The following USP34 variants were observed in gnomAD, a reference collection of about 807,000 sequenced individuals.
The protein encoded by USP34 is ubiquitin specific peptidase 34.
Under a neutral mutation model 460.3 loss-of-function variants are expected in USP34, and 70 were observed. The ratio of observed to expected loss-of-function variants is 0.15; its 90% CI spans 0.13 to 0.19. USP34 has a LOEUF of 0.19. USP34 is among the 10% of genes least tolerant of loss of function. USP34 has a pLI of 1.00. For missense variants in USP34, 3,985 were observed against 4,236.2 expected (o/e 0.94, Z 1.65); for synonymous variants, 1,647 against 1,405.3 (o/e 1.17, Z -3.85).
chr2:61,273,563 C>T (rs1365809071), intron 41 of USP34, among the ~76,000 whole-genome samples: 1 of 152,024 alleles, frequency 6.6e-6, no homozygotes, highest in Non-Finnish European at 1.5e-5. Flanking sequence ...ATCAAAGATA[C>T]TAAAATTAGC....
At position 61,188,551 on chromosome 2, in the gene USP34, G is replaced by T; in HGVS notation, c.10192C>A (p.Pro3398Thr). Residue 3398 changes from proline (P) to threonine (T), a missense_variant, in exon 80 of 80, where the codon CCA (proline) becomes ACA (threonine). Around this residue, in one of 14 missense-constraint regions of USP34, gnomAD observed 506 missense variants for 439.0 expected, o/e 1.15. Transcript: ENST00000398571. ...GAAGGAAGATCTTGCTCAGTTCCTG[G>T]ATCAATAATTGAGGAGTCTCTGGTC... ...NETRDSSIID[P>T]GTEQDLPSPE... 6.2e-7 allele frequency: 1 copy of T among 1,614,178 alleles called. No individual in the cohort carries two copies. Among genetic ancestry groups the T allele is most frequent in the Non-Finnish European group, 8.5e-7 (1 of 1,180,026 alleles).
At chr2:61,464,252 G>C (rs190741875) in intron 1 of USP34, among the ~76,000 whole-genome samples, 1 of 152,280 alleles carries the variant, frequency 6.6e-6, no homozygotes, top group Middle Eastern at 3.4e-3. Flanking sequence ...CAAGGAGGTG[G>C]AAGTTGCAGT....
chr2:61,206,709 C>G (rs754844568), intron 71 of USP34, 51 bp downstream of exon 71: 30 of 1,588,314 alleles, frequency 1.9e-5, no homozygotes, highest in Non-Finnish European at 2.3e-5. Context: ...AAAACCTTCT[C>G]TCTCTTTACT....
Position 61,228,721 on chromosome 2 carries a change from T to TAAAC in USP34, c.7369-6_7369-3dup, listed in dbSNP as rs760735454. The TAAAC allele has an allele frequency of 1.3e-5, 21 of 1,605,818 alleles. No homozygotes were observed. In the African/African-American group the frequency reaches 2.5e-4, roughly 19 times the overall value. ...TTGCAATGAAAGCAAAAATTGGCTC[T>TAAAC]AAACAAACAAACAAACAAAATTTAA... On this transcript the variant is annotated splice_region_variant and splice_polypyrimidine_tract_variant and intron_variant, in intron 60 of 79. Coordinates refer to ENST00000398571, the MANE Select transcript of USP34 (RefSeq NM_014709.4).
Position 61,188,477 on chromosome 2 carries a change from C to G in USP34, c.10266G>C (p.Ser3422=), listed in dbSNP as rs746923658. ...TGATATTTGACATGTCTTCTGAAAACGAAGATGGAACTTCCATTCGGTATT... is the reference window on the plus strand; with the variant it reads ...TGATATTTGACATGTCTTCTGAAAAGGAAGATGGAACTTCCATTCGGTATT... ...VKEYRMEVPS[S]FSEDMSNIRS... Residue 3422 remains serine (S), a synonymous_variant, in exon 80 of 80, where the codon TCG becomes TCC. Transcript: ENST00000398571. 4.3e-6 allele frequency: 7 copies of G among 1,614,188 alleles called. No individual in the cohort carries two copies. Among genetic ancestry groups the G allele is most frequent in the Non-Finnish European group, 5.1e-6 (6 of 1,180,044 alleles).
intron 75 of USP34, among the ~76,000 whole-genome samples, chr2:61,196,851 A>C (rs186762028): frequency 2.0e-5 from 3 of 152,176 alleles, no homozygotes; most frequent in African/African-American, 7.2e-5. Flanking sequence ...AGCAATCTCT[A>C]TATCTATTTT....
intron 27 of USP34, among the ~76,000 whole-genome samples, chr2:61,303,107 C>G (rs1471565769): frequency 1.3e-5 from 2 of 152,006 alleles, no homozygotes; most frequent in African/African-American, 4.8e-5. Context: ...CACTCTGTCA[C>G]CCAGGCTGGA....
intron 23 of USP34, among the ~76,000 whole-genome samples, chr2:61,316,764 A>C (rs886380347): frequency 6.6e-6 from 1 of 150,932 alleles, no homozygotes; most frequent in Non-Finnish European, 1.5e-5. Context: ...GCACCCCTGT[A>C]ATCCCAGATA....
chr2:61,208,887 T>G lies in USP34; in HGVS notation c.8919+12A>C, dbSNP rs377220973. 7 of 1,564,052 alleles carry G rather than the reference T, an allele frequency of 4.5e-6. No homozygotes were observed. The South Asian group carries it at 7.2e-5, about 16-fold the overall frequency. On this transcript the variant is annotated intron_variant, in intron 70 of 79. Transcript: ENST00000398571. ...AGATAATATCCACAGTAAAATGCAA[T>G]AGAATATTTACCTCTGTCATTAGAA... is the stretch of plus-strand genomic sequence containing the variant.
At chr2:61,205,603 A>G (rs1687097175) in intron 72 of USP34, among the ~76,000 whole-genome samples, 1 of 152,228 alleles carries the variant, frequency 6.6e-6, no homozygotes, top group Non-Finnish European at 1.5e-5. Flanking sequence ...AATCAATAAA[A>G]AGATGCAATA....
At chr2:61,352,599 A>T (rs1295060420) in intron 10 of USP34, among the ~76,000 whole-genome samples, 1 of 151,824 alleles carries the variant, frequency 6.6e-6, no homozygotes. Flanking sequence ...AAGTGCTGAA[A>T]TTACAGGAAT....
chr2:61,333,169 T>TG (rs1283510139), intron 19 of USP34, among the ~76,000 whole-genome samples: 3 of 152,044 alleles, frequency 2.0e-5, no homozygotes, highest in African/African-American at 7.2e-5. Context: ...TACCAAAACA[T>TG]GGGGTCGATT....
At chr2:61,297,468 T>C (rs1160324497) in intron 29 of USP34, among the ~76,000 whole-genome samples, 1 of 152,218 alleles carries the variant, frequency 6.6e-6, no homozygotes, top group African/African-American at 2.4e-5. Context: ...TTCCAAAACT[T>C]GCTAAGGCAA....
chr2:61,204,724 C>G, intron 72 of USP34, 123 bp from the exon 73 acceptor site: 1 of 716,788 alleles, frequency 1.4e-6, no homozygotes, highest in Non-Finnish European at 2.4e-6. Flanking sequence ...AAACTAAGCT[C>G]CTGACACGAG....
At chr2:61,257,830 G>A (rs550793800) in intron 44 of USP34, among the ~76,000 whole-genome samples, 61 of 152,206 alleles carry the variant, frequency 4.0e-4, no homozygotes, top group Non-Finnish European at 5.7e-4. Flanking sequence ...AGCCGAGATC[G>A]TGCCACTGCA....
intron 35 of USP34, among the ~76,000 whole-genome samples, chr2:61,283,885 G>A (rs938272874): frequency 7.1e-6 from 1 of 139,938 alleles, no homozygotes; most frequent in African/African-American, 2.6e-5. Context: ...CAAACTCATT[G>A]AAGAAGAGAG....
intron 1 of USP34, among the ~76,000 whole-genome samples, chr2:61,437,641 C>T (rs1694848894): frequency 6.6e-6 from 1 of 151,974 alleles, no homozygotes; most frequent in South Asian, 2.1e-4. Context: ...GGCATGGTGG[C>T]AGGCACCTGC....
chr2:61,188,679 C>T lies in USP34; in HGVS notation c.10064G>A (p.Arg3355Gln), dbSNP rs907538794. The change falls in exon 80 of 80, where the codon CGG becomes CAG. Residue 3355 changes from arginine to glutamine, a missense_variant. Arg to Gln is a conservative substitution (Grantham distance 43, BLOSUM62 1). Coordinates refer to ENST00000398571, the MANE Select transcript of USP34 (RefSeq NM_014709.4). ...DDEGATPIKR[R>Q]RVSSDEEHTV... is the part of the protein sequence containing the mutation. ...GTGCTCCTCATCACTGCTAACACGC[C>T]GCCTTTTAATGGGAGTTGCTCCTTC... The T allele has an allele frequency of 9.3e-6, 15 of 1,613,762 alleles. No individual in the cohort carries two copies. Among genetic ancestry groups the T allele is most frequent in the Non-Finnish European group, 1.1e-5 (13 of 1,179,932 alleles).
At chr2:61,330,734 C>A (rs1691234342) in intron 20 of USP34, among the ~76,000 whole-genome samples, 2 of 152,126 alleles carry the variant, frequency 1.3e-5, no homozygotes, top group Non-Finnish European at 2.9e-5. Context: ...ATACCACCAC[C>A]AATCCATTTC....
Sources: gnomAD v4.1 joint callset for allele counts (sites outside exome capture counted in the v4.1 genomes callset) on GRCh38, gnomAD v4.1.1 for gene constraint, gnomAD v4.1.1 regional missense constraint, MANE v1.5 for transcripts, NCBI Gene and HGNC (gene_info 2026-07-23, HGNC 2026-07-21) for gene names.